SZT2: variants seen among roughly 807,000 people sequenced by gnomAD.
The protein encoded by SZT2 is SZT2 subunit of KICSTOR complex, also known as KICSTOR complex protein SZT2.
A neutral mutation model predicts 404.2 loss-of-function variants in SZT2; 216 were observed. That is an observed-to-expected ratio of 0.53 (90% CI 0.48 to 0.60). The LOEUF is 0.60. Ranked by LOEUF, SZT2 falls within the 20% of genes least tolerant of loss-of-function variation. The probability of loss-of-function intolerance (pLI) is 0.00; values close to 1 mark genes in which losing one functional copy is unlikely to be tolerated. For synonymous variants in SZT2, 1,693 were observed against 1,749.9 expected (o/e 0.97, Z 0.81); for missense variants, 3,857 against 4,459.2 (o/e 0.86, Z 3.85).
intron 70 of SZT2, 159 bp from the exon 71 acceptor site, chr1:43,449,944 C>T (rs1191103735): frequency 2.5e-6 from 2 of 816,178 alleles, no homozygotes; most frequent in Admixed American, 2.1e-5. Flanking sequence ...AGGATGAGGA[C>T]TGAGGCTCAA....
Position 43,437,485 on chromosome 1 carries a change from A to T in SZT2, c.6267A>T (p.Ala2089=), listed in dbSNP as rs372840078. ...RKNMFVYQER[A]TKAVYYLRLL... Reference sequence around the variant, plus strand: ...ACATGTTTGTTTACCAGGAGCGAGCAACAAAGGCTGTGTACTATCTTCGGT... The same window carrying T: ...ACATGTTTGTTTACCAGGAGCGAGCTACAAAGGCTGTGTACTATCTTCGGT... Residue 2089 remains alanine, a synonymous_variant, in exon 44 of 72, where the codon GCA becomes GCT. Coordinates refer to ENST00000634258, the MANE Select transcript of SZT2 (RefSeq NM_001365999.1). This position sits in a 1 kb window ranked among gnomAD's most constrained non-coding sequence, Gnocchi z 5.3. 5.3e-5 allele frequency: 86 copies of T among 1,614,050 alleles called. No individual in the cohort carries two copies. The highest frequency in any genetic ancestry group is 1.5e-4 in the Admixed American group (9 of 59,994).
In SZT2 at chr1:43,390,312, T is replaced by C. The variant is rs138572322; in HGVS notation, c.27+317T>C. ...TTTTGACTTTCTGTTGCAGTTTCAA[T>C]GGGCAACACGGCAGTAGATTTACTT... On this transcript the variant is annotated intron_variant, in intron 1 of 71. Coordinates refer to ENST00000634258, the MANE Select transcript of SZT2 (RefSeq NM_001365999.1). 2.1e-4 allele frequency among the ~76,000 whole-genome samples: 32 copies of C among 152,378 alleles called. No homozygotes were observed. In the East Asian group the frequency reaches 6.0e-3, roughly 28 times the overall value.
intron 1 of SZT2, among the ~76,000 whole-genome samples, chr1:43,394,276 T>A (rs370715908): frequency 6.6e-6 from 1 of 151,004 alleles, no homozygotes. Flanking sequence ...TGGCGTGATC[T>A]TGGCTCACTG....
Position 43,433,101 on chromosome 1 carries a change from A to G in SZT2, c.5715A>G (p.Ser1905=), listed in dbSNP as rs1557574511. The change falls in exon 40 of 72, where the codon TCA becomes TCG. Residue 1905 remains serine, a synonymous_variant. Coordinates refer to ENST00000634258, the MANE Select transcript of SZT2 (RefSeq NM_001365999.1). ...CTGGGCCAGCACCTCCACAGCCTTC[A>G]CTCTCAGGCCTCCCTGGGCCCTGCC... is the stretch of plus-strand genomic sequence containing the variant. ...TPPGPAPPQP[S]LSGLPGPCLP... 2.5e-6 allele frequency: 4 copies of G among 1,613,752 alleles called. No individual in the cohort carries two copies. Among genetic ancestry groups the G allele is most frequent in the Admixed American group, 3.3e-5 (2 of 59,970 alleles).
intron 62 of SZT2, 78 bp from the exon 63 acceptor site, chr1:43,445,816 A>G: frequency 7.1e-7 from 1 of 1,405,620 alleles, no homozygotes; most frequent in Non-Finnish European, 1.0e-6. Flanking sequence ...TTCCATATAA[A>G]ACAGATTCTG....
chr1:43,396,966 T>C (rs1358061293), intron 1 of SZT2, among the ~76,000 whole-genome samples: 1 of 152,188 alleles, frequency 6.6e-6, no homozygotes, highest in East Asian at 1.9e-4. Context: ...AAAAACCATG[T>C]TGATAGAAGA....
chr1:43,429,029 T>G (rs1318951611), intron 28 of SZT2: 1 of 158,572 alleles, frequency 6.3e-6, no homozygotes, highest in Non-Finnish European at 1.4e-5. Flanking sequence ...ACTCCTAGAT[T>G]GGAACTCCGG....
intron 4 of SZT2, among the ~76,000 whole-genome samples, chr1:43,414,377 A>T (rs1479537276): frequency 2.0e-5 from 3 of 152,112 alleles, no homozygotes; most frequent in Non-Finnish European, 4.4e-5. Flanking sequence ...AAAATATCTC[A>T]TGTGCTCCAT....
Position 43,453,576 on chromosome 1 carries a change from CT to C in SZT2, c.*3097del, listed in dbSNP as rs758374529. 6.1e-5 allele frequency: 93 copies of C among 1,520,044 alleles called. 1 individual carries two copies. The South Asian group carries it at 8.2e-4, about 13-fold the overall frequency. The allele number at this position is 1,520,044 out of a possible 1,614,324, so 94.2% of individuals were successfully genotyped here. ...CCGGCACCCCCCAGCCCTCCCAGCC[CT>C]CCCGGCCCGCGACGCACCCGGGGGC... is the stretch of plus-strand genomic sequence containing the variant. On this transcript the variant is annotated 3_prime_UTR_variant, in exon 72 of 72. Coordinates refer to ENST00000634258, the MANE Select transcript of SZT2 (RefSeq NM_001365999.1).
intron 29 of SZT2, 56 bp downstream of exon 29, chr1:43,429,900 A>G: frequency 1.9e-6 from 3 of 1,612,508 alleles, no homozygotes; most frequent in Non-Finnish European, 2.5e-6. Flanking sequence ...GTGCAGAGGG[A>G]CAGGATTCTC....
chr1:43,429,727 G>A lies in SZT2; in HGVS notation c.4191G>A (p.Glu1397=), dbSNP rs748461641. The A allele has an allele frequency of 3.1e-6, 5 of 1,614,180 alleles. No homozygotes were observed. In the South Asian group the frequency reaches 5.5e-5, roughly 18 times the overall value. Residue 1397 remains glutamate (E), a synonymous_variant, in exon 29 of 72, where the codon GAG becomes GAA. Transcript: ENST00000634258. Reference sequence around the variant, plus strand: ...GCATAGAGACCGAGGACCTAAGCGAGCCTGAGTTTCAGAGCACCCGTGTCC... The same window carrying A: ...GCATAGAGACCGAGGACCTAAGCGAACCTGAGTTTCAGAGCACCCGTGTCC... ...ESSIETEDLS[E]PEFQSTRVPG...
intron 4 of SZT2, among the ~76,000 whole-genome samples, chr1:43,407,103 C>G (rs773875879): frequency 1.3e-5 from 2 of 152,068 alleles, no homozygotes; most frequent in African/African-American, 2.4e-5. Flanking sequence ...GAGGAGGAAG[C>G]CTGAATAAGG....
Position 43,419,725 on chromosome 1 carries a change from T to C in SZT2, c.880-9T>C. ...CAGAGCTAGGTCTTCAGTTGCTCACTTTTTCCAGGTGGGAGGAGTTTACTC... is the reference window on the plus strand; with the variant it reads ...CAGAGCTAGGTCTTCAGTTGCTCACCTTTTCCAGGTGGGAGGAGTTTACTC... On this transcript the variant is annotated splice_polypyrimidine_tract_variant and intron_variant, in intron 7 of 71. Transcript: ENST00000634258. 6.3e-7 allele frequency: 1 copy of C among 1,594,548 alleles called. No individual in the cohort carries two copies.
Position 43,404,435 on chromosome 1 carries a change from G to C in SZT2, c.383G>C (p.Cys128Ser). 6.2e-7 allele frequency: 1 copy of C among 1,614,030 alleles called. No individual in the cohort carries two copies. The highest frequency in any genetic ancestry group is 8.5e-7 in the Non-Finnish European group (1 of 1,180,012). Residue 128 changes from cysteine to serine, a missense_variant, in exon 4 of 72, where the codon TGC becomes TCC. Transcript: ENST00000634258. ...FDEVFHALSR[C>S]LGGLLRPFRV... is the part of the protein sequence containing the mutation. ...GAAGTTTTCCATGCCCTGTCCCGCT[G>C]CTTAGGCGGGCTGCTTCGGCCCTTC...
chr1:43,432,546 G>A lies in SZT2; in HGVS notation c.5472G>A (p.Gly1824=). The A allele has an allele frequency of 6.2e-7, 1 of 1,612,780 alleles. No homozygotes were observed. The highest frequency in any genetic ancestry group is 8.5e-7 in the Non-Finnish European group (1 of 1,179,328). Reference sequence around the variant, plus strand: ...TGACAGCCAGCCCCCAAGCACCTGGGTCCCCAGAGGATTCTGAGGGTGTCC... The same window carrying A: ...TGACAGCCAGCCCCCAAGCACCTGGATCCCCAGAGGATTCTGAGGGTGTCC... ...ETLTASPQAP[G]SPEDSEGVPL... Residue 1824 remains glycine (G), a synonymous_variant, in exon 38 of 72, where the codon GGG becomes GGA. Coordinates refer to ENST00000634258, the MANE Select transcript of SZT2 (RefSeq NM_001365999.1).
rs781108781 is a variant in SZT2 at position 43,427,192 on chromosome 1, G to A, written c.3433+13G>A. ...GCTACCTTCTCAGGTGCCAGCTGCT[G>A]ACCTCCTCACGAACCCCCTCAGATA... On this transcript the variant is annotated intron_variant, in intron 24 of 71. Coordinates refer to ENST00000634258, the MANE Select transcript of SZT2 (RefSeq NM_001365999.1). The A allele has an allele frequency of 1.1e-5, 18 of 1,613,858 alleles. No individual in the cohort carries two copies. Among genetic ancestry groups the A allele is most frequent in the Non-Finnish European group, 1.5e-5 (18 of 1,179,906 alleles).
rs753803790 is a variant in SZT2, at chr1:43,428,134, G to A, written c.3919+16G>A. The A allele has an allele frequency of 6.6e-5, 106 of 1,612,414 alleles. No homozygotes were observed. Among genetic ancestry groups the A allele is most frequent in the Non-Finnish European group, 8.5e-5 (100 of 1,178,660 alleles). ...TATGTCCGTGGTGAGCAGGAGGGCCGTGGGAGGGAGGAGTGGGGCCCTGCG... is the reference window on the plus strand; with the variant it reads ...TATGTCCGTGGTGAGCAGGAGGGCCATGGGAGGGAGGAGTGGGGCCCTGCG... On this transcript the variant is annotated intron_variant, in intron 27 of 71. Coordinates refer to ENST00000634258, the MANE Select transcript of SZT2 (RefSeq NM_001365999.1).
rs775049512 is a variant in SZT2 at position 43,445,950 on chromosome 1, C to T, written c.8882C>T (p.Ser2961Phe). Reference protein sequence around the residue: ...ILGTEGRGSFSCPKTKTDGSP... With the variant: ...ILGTEGRGSFFCPKTKTDGSP... ...GGAACAGAGGGTCGAGGCTCCTTCT[C>T]CTGCCCTAAAACCAAGACTGATGGG... Residue 2961 changes from serine (S) to phenylalanine (F), a missense_variant, in exon 63 of 72, where the codon TCC becomes TTC. This residue lies in a region of SZT2 where 717 missense variants were observed against 868.2 expected (regional missense o/e 0.83). Coordinates refer to ENST00000634258, the MANE Select transcript of SZT2 (RefSeq NM_001365999.1). 1.9e-6 allele frequency: 3 copies of T among 1,614,092 alleles called. No homozygotes were observed. Among genetic ancestry groups the T allele is most frequent in the Non-Finnish European group, 2.5e-6 (3 of 1,180,048 alleles).
Position 43,425,841 on chromosome 1 carries a change from C to T in SZT2, c.2821C>T (p.Pro941Ser). ...TCTGATGTTCTTCCTGTAGCTCCAC[C>T]CACGGGATGCTGCCTGCATAGGCTC... is the stretch of plus-strand genomic sequence containing the variant. ...TYSEIPQALH[P>S]RDAACIGSML... Residue 941 changes from proline to serine, a missense_variant, in exon 20 of 72, where the codon CCA (proline) becomes TCA (serine). By Grantham distance (74) the Pro-to-Ser change is moderately conservative. Transcript: ENST00000634258. The surrounding 1 kb of genome is among the most constrained non-coding windows in gnomAD (Gnocchi z 4.3). 1 of 1,613,882 alleles carries T rather than the reference C, an allele frequency of 6.2e-7. No individual in the cohort carries two copies. The highest frequency in any genetic ancestry group is 8.5e-7 in the Non-Finnish European group (1 of 1,179,916).
Sources: allele counts gnomAD v4.1 joint callset (sites outside exome capture counted in the v4.1 genomes callset), GRCh38; gene constraint gnomAD v4.1.1; regional missense constraint gnomAD v4.1.1; non-coding constraint Gnocchi (gnomAD v3.1); transcripts MANE v1.5; gene names NCBI Gene and HGNC (gene_info 2026-07-23, HGNC 2026-07-21).